The following SNTG1 variants were observed in gnomAD, a reference collection of about 807,000 sequenced individuals.
The protein encoded by SNTG1 is gamma-1-syntrophin.
A neutral mutation model predicts 74.7 loss-of-function variants in SNTG1; 39 were observed. The ratio of observed to expected loss-of-function variants is 0.52; its 90% CI spans 0.40 to 0.68. The LOEUF is 0.68. SNTG1 is among the 30% of genes least tolerant of loss of function. SNTG1 has a pLI of 0.00. For missense variants in SNTG1, 685 were observed against 609.5 expected, an observed-to-expected ratio of 1.12 and a Z score of -1.30; for synonymous variants, 254 against 217.1, an observed-to-expected ratio of 1.17 and a Z score of -1.49.
intron 18 of SNTG1, among the ~76,000 whole-genome samples, chr8:50,780,901 G>A (rs184459994): frequency 1.3e-5 from 2 of 152,126 alleles, no homozygotes; most frequent in African/African-American, 4.8e-5. Context: ...CTGGTATATT[G>A]TGTCTTTGTT....
At chr8:50,126,804 A>G (rs1243996860) in intron 1 of SNTG1, among the ~76,000 whole-genome samples, 1 of 152,102 alleles carries the variant, frequency 6.6e-6, no homozygotes, top group Non-Finnish European at 1.5e-5. Flanking sequence ...AAGAAAGCCC[A>G]TGAGCTATAT....
intron 4 of SNTG1, among the ~76,000 whole-genome samples, chr8:50,410,488 A>G (rs1404099439): frequency 6.6e-6 from 1 of 152,202 alleles, no homozygotes; most frequent in Non-Finnish European, 1.5e-5. Flanking sequence ...TGAATTTACA[A>G]AGAATATATA....
At chr8:50,608,036 T>C (rs1190321040) in intron 13 of SNTG1, among the ~76,000 whole-genome samples, 1 of 151,664 alleles carries the variant, frequency 6.6e-6, no homozygotes, top group Admixed American at 6.6e-5. Context: ...ATTTTTTAAG[T>C]ATTTCTAATT....
intron 16 of SNTG1, among the ~76,000 whole-genome samples, chr8:50,705,251 A>AGGG: frequency 6.6e-6 from 1 of 152,176 alleles, no homozygotes; most frequent in Non-Finnish European, 1.5e-5. Flanking sequence ...ATGCTTGCCA[A>AGGG]TACTCCTTCT....
At chr8:50,359,449 T>C (rs2091901784) in intron 2 of SNTG1, among the ~76,000 whole-genome samples, 1 of 152,216 alleles carries the variant, frequency 6.6e-6, no homozygotes, top group South Asian at 2.1e-4. Flanking sequence ...TTTGCTGGCC[T>C]TGCACTATAA....
At chr8:50,560,761 G>A (rs1161430873) in intron 12 of SNTG1, among the ~76,000 whole-genome samples, 2 of 152,128 alleles carry the variant, frequency 1.3e-5, no homozygotes, top group Admixed American at 6.5e-5. Context: ...GCTAATGGGT[G>A]TGGGGCTCAA....
At chr8:50,404,474 C>G (rs2092845057) in intron 4 of SNTG1, among the ~76,000 whole-genome samples, 1 of 151,846 alleles carries the variant, frequency 6.6e-6, no homozygotes, top group African/African-American at 2.4e-5. Context: ...ATAAAAAGAA[C>G]AAAGTTGGAG....
chr8:50,741,320 G>A (rs368971620), intron 17 of SNTG1, among the ~76,000 whole-genome samples: 91 of 151,852 alleles, frequency 6.0e-4, no homozygotes, highest in African/African-American at 2.0e-3. Flanking sequence ...ATGGGGTTTC[G>A]CCATGTTGGC....
At chr8:50,455,741 G>A (rs1455211944) in intron 8 of SNTG1, among the ~76,000 whole-genome samples, 3 of 152,154 alleles carry the variant, frequency 2.0e-5, no homozygotes, top group Admixed American at 1.3e-4. Flanking sequence ...GAACAGTCTA[G>A]GAGGTTTTAT....
chr8:50,149,788 C>T (rs929098116), intron 1 of SNTG1, among the ~76,000 whole-genome samples: 1 of 152,054 alleles, frequency 6.6e-6, no homozygotes, highest in Non-Finnish European at 1.5e-5. Context: ...CTGTTTTGGT[C>T]ACTGTAGCCT....
intron 2 of SNTG1, among the ~76,000 whole-genome samples, chr8:50,367,735 G>T (rs1234077526): frequency 2.0e-5 from 3 of 151,974 alleles, no homozygotes; most frequent in Admixed American, 6.6e-5. Context: ...ACTTGAATGT[G>T]CCACTGGGTG....
intron 2 of SNTG1, among the ~76,000 whole-genome samples, chr8:50,380,445 A>G (rs970536606): frequency 1.3e-5 from 2 of 152,334 alleles, no homozygotes; most frequent in South Asian, 2.1e-4. Context: ...AGCAAACTCT[A>G]TAAATAGATA....
At chr8:50,605,251 G>C (rs555065678) in intron 13 of SNTG1, among the ~76,000 whole-genome samples, 1 of 151,502 alleles carries the variant, frequency 6.6e-6, no homozygotes, top group African/African-American at 2.4e-5. Context: ...GCCTTGGCTG[G>C]TATCTCCCTA....
At chr8:50,422,560 T>C (rs907690666) in intron 4 of SNTG1, among the ~76,000 whole-genome samples, 7 of 152,030 alleles carry the variant, frequency 4.6e-5, no homozygotes, top group Non-Finnish European at 1.0e-4. Context: ...GACAGAATTA[T>C]TGCTCAAATC....
chr8:49,978,492 G>T (rs936467526), intron 1 of SNTG1, among the ~76,000 whole-genome samples: 11 of 152,168 alleles, frequency 7.2e-5, no homozygotes, highest in Admixed American at 3.3e-4. Flanking sequence ...AGCATGGGTG[G>T]CCTTCATTCA....
At chr8:50,607,070 A>G (rs1480646445) in intron 13 of SNTG1, among the ~76,000 whole-genome samples, 1 of 151,926 alleles carries the variant, frequency 6.6e-6, no homozygotes, top group East Asian at 1.9e-4. Flanking sequence ...AAAAAAATCA[A>G]ATTCGATATG....
chr8:50,737,917 TAA>T (rs1335213942), intron 17 of SNTG1, among the ~76,000 whole-genome samples: 1 of 152,030 alleles, frequency 6.6e-6, no homozygotes, highest in African/African-American at 2.4e-5. Context: ...CTCAAAATAA[TAA>T]GAGCTATTTA....
intron 1 of SNTG1, among the ~76,000 whole-genome samples, chr8:50,019,525 A>T (rs936042238): frequency 1.3e-5 from 2 of 152,088 alleles, no homozygotes; most frequent in African/African-American, 4.8e-5. Context: ...TCTATCTATG[A>T]AAAATTTATC....
At chr8:50,396,491 A>C (rs1049156116) in intron 3 of SNTG1, among the ~76,000 whole-genome samples, 1 of 152,238 alleles carries the variant, frequency 6.6e-6, no homozygotes, top group Non-Finnish European at 1.5e-5. Context: ...GTAAATGATA[A>C]GATGCAGTTT....
Sources: gnomAD v4.1 joint callset for allele counts (sites outside exome capture counted in the v4.1 genomes callset) on GRCh38, gnomAD v4.1.1 for gene constraint, MANE v1.5 for transcripts, NCBI Gene and HGNC (gene_info 2026-07-23, HGNC 2026-07-21) for gene names.